The following CRYGD variants were observed in gnomAD, a reference collection of about 807,000 sequenced individuals.
CRYGD encodes gamma-crystallin D.
CRYGD carries 13 observed loss-of-function variants against 11.3 expected under a neutral mutation model. That is an observed-to-expected ratio of 1.15 (90% CI 0.75 to 1.83). The LOEUF is 1.83. Among genes scored for constraint, CRYGD ranks in the 40% most tolerant of loss-of-function variants. CRYGD has a pLI of 0.00. For synonymous variants in CRYGD, 77 were observed against 89.5 expected, an observed-to-expected ratio of 0.86 and a Z score of 0.79; for missense variants, 231 against 229.9, an observed-to-expected ratio of 1.00 and a Z score of -0.03.
chr2:208,122,420 T>A (rs2105852063), intron 2 of CRYGD, among the ~76,000 whole-genome samples: 1 of 147,680 alleles, frequency 6.8e-6, no homozygotes, highest in Non-Finnish European at 1.5e-5. Flanking sequence ...TGTATAAAAT[T>A]ATATTTTATT....
rs779649425 is a variant in CRYGD, at chr2:208,124,469, C to T, written c.5G>A (p.Gly2Glu). Residue 2 changes from glycine (G) to glutamate (E), a missense_variant, in exon 1 of 3, where the codon GGG becomes GAG. By Grantham distance (98) the Gly-to-Glu change is moderately conservative (BLOSUM62 -2). Coordinates refer to ENST00000264376, the MANE Select transcript of CRYGD (RefSeq NM_006891.4). Reference protein sequence around the residue: MGKITLYEDRGF... With the variant: MEKITLYEDRGF... ...CGGGGCGCAGGCTGGGCTCACCTTC[C>T]CCATGGCTGGCTGGGCGCACGGCGG... The T allele has an allele frequency of 6.3e-7, 1 of 1,574,880 alleles. No homozygotes were observed. Among genetic ancestry groups the T allele is most frequent in the East Asian group, 2.3e-5 (1 of 43,244 alleles).
At chr2:208,123,889 A>T (rs868716362) in intron 2 of CRYGD, among the ~76,000 whole-genome samples, 3 of 152,224 alleles carry the variant, frequency 2.0e-5, no homozygotes, top group Non-Finnish European at 4.4e-5. Context: ...CAGGAGACAC[A>T]TTCCTACTCA....
intron 2 of CRYGD, among the ~76,000 whole-genome samples, chr2:208,122,306 CATTAA>C (rs933679824): frequency 6.7e-6 from 1 of 149,306 alleles, no homozygotes; most frequent in Admixed American, 6.7e-5. Context: ...TTAAAATAAA[CATTAA>C]ATTATAAAGA....
intron 2 of CRYGD, 74 bp downstream of exon 2, chr2:208,124,037 TA>T: frequency 6.2e-7 from 1 of 1,601,900 alleles, no homozygotes. Context: ...TCACTACTTC[TA>T]ATGTTTAACT....
Position 208,124,449 on chromosome 2 carries a change from C to T in CRYGD, c.9+16G>A, listed in dbSNP as rs753892746. ...TGGAGGAAGCTCCGGGGTCCCGGGG[C>T]GCAGGCTGGGCTCACCTTCCCCATG... On this transcript the variant is annotated intron_variant, in intron 1 of 2. Coordinates refer to ENST00000264376, the MANE Select transcript of CRYGD (RefSeq NM_006891.4). 1.1e-4 allele frequency: 177 copies of T among 1,580,546 alleles called. No individual in the cohort carries two copies. Among genetic ancestry groups the T allele is most frequent in the Non-Finnish European group, 1.5e-4 (172 of 1,164,324 alleles).
chr2:208,123,237 A>G (rs2105852849), intron 2 of CRYGD, among the ~76,000 whole-genome samples: 1 of 147,020 alleles, frequency 6.8e-6, no homozygotes, highest in South Asian at 2.1e-4. Context: ...TAAATATATT[A>G]TTAAATACAT....
At chr2:208,122,731 C>T (rs1034216510) in intron 2 of CRYGD, among the ~76,000 whole-genome samples, 10 of 150,538 alleles carry the variant, frequency 6.6e-5, no homozygotes, top group African/African-American at 1.7e-4. Context: ...GGTGTGGTGG[C>T]GGGTGCCTGT....
Position 208,121,774 on chromosome 2 carries a change from G to C in CRYGD, c.424C>G (p.Arg142Gly), listed in dbSNP as rs758933523. The change falls in exon 3 of 3, where the codon CGG (arginine) becomes GGG (glycine). Residue 142 changes from arginine to glycine, a missense_variant. Transcript: ENST00000264376. ...VLYELSNYRG[R>G]QYLLMPGDYR... ...TCCCCTGGCATCAGCAGGTACTGCC[G>C]TCCTCGGTAGTTGGACAGCTCGTAG... is the stretch of plus-strand genomic sequence containing the variant. 6.2e-7 allele frequency: 1 copy of C among 1,614,160 alleles called. No homozygotes were observed. Among genetic ancestry groups the C allele is most frequent in the Admixed American group, 1.7e-5 (1 of 60,024 alleles).
In CRYGD at chr2:208,124,319, G is replaced by A. The variant is rs746970104; in HGVS notation, c.45C>T (p.Arg15=). The part of the protein sequence containing the change: ...TLYEDRGFQG[R]HYECSSDHPN... ...GGTGGTCGCTGCTGCATTCATAGTG[G>A]CGGCCCTGGAAGCCCCGGTCCTCGT... is the stretch of plus-strand genomic sequence containing the variant. The change falls in exon 2 of 3, where the codon CGC becomes CGT. Residue 15 remains arginine, a synonymous_variant. Transcript: ENST00000264376. The A allele has an allele frequency of 1.2e-6, 2 of 1,610,444 alleles. No homozygotes were observed. The highest frequency in any genetic ancestry group is 1.7e-6 in the Non-Finnish European group (2 of 1,178,980).
rs766003243 is a variant in CRYGD at position 208,124,172 on chromosome 2, G to T, written c.192C>A (p.Ala64=). 1.9e-6 allele frequency: 3 copies of T among 1,611,668 alleles called. No homozygotes were observed. The highest frequency in any genetic ancestry group is 1.7e-5 in the Admixed American group (1 of 60,006). The change falls in exon 2 of 3, where the codon GCC becomes GCA. Residue 64 remains alanine, a synonymous_variant. Transcript: ENST00000264376. ...LQYFLRRGDY[A]DHQQWMGLSD... ...TGAGGCCCATCCACTGCTGGTGGTC[G>T]GCATAGTCGCCGCGGCGCAGGAAGT...
chr2:208,124,153 C>G lies in CRYGD; in HGVS notation c.211G>C (p.Gly71Arg). 6.2e-7 allele frequency: 1 copy of G among 1,611,672 alleles called. No individual in the cohort carries two copies. The highest frequency in any genetic ancestry group is 8.5e-7 in the Non-Finnish European group (1 of 1,179,860). The change falls in exon 2 of 3, where the codon GGC (glycine) becomes CGC (arginine). Residue 71 changes from glycine to arginine, a missense_variant. By Grantham distance (125) the Gly-to-Arg change is moderately radical (BLOSUM62 -2). Transcript: ENST00000264376. ...CAGGAGCGGACCGAGTCGCTGAGGC[C>G]CATCCACTGCTGGTGGTCGGCATAG... ...GDYADHQQWM[G>R]LSDSVRSCRL...
chr2:208,124,226 A>G lies in CRYGD; in HGVS notation c.138T>C (p.Tyr46=), dbSNP rs1174276155. ...ARVDSGCWML[Y]EQPNYSGLQY... is the part of the protein sequence containing the mutation. ...GGAGGCCCGAGTAGTTGGGCTGCTC[A>G]TAGAGCATCCAGCAGCCGCTGTCCA... Residue 46 remains tyrosine, a synonymous_variant, in exon 2 of 3, where the codon TAT becomes TAC. Transcript: ENST00000264376. The G allele has an allele frequency of 2.5e-6, 4 of 1,612,232 alleles. No homozygotes were observed. The highest frequency in any genetic ancestry group is 2.2e-5 in the East Asian group (1 of 44,880).
intron 2 of CRYGD, among the ~76,000 whole-genome samples, chr2:208,122,848 G>A (rs62192853): frequency 1.3e-5 from 2 of 149,684 alleles, no homozygotes; most frequent in Admixed American, 6.7e-5. Flanking sequence ...GCAAGACTTC[G>A]TCAAAAAAAA....
Position 208,121,962 on chromosome 2 carries a change from T to A in CRYGD, c.253-17A>T, listed in dbSNP as rs748213573. 1.4e-5 allele frequency: 23 copies of A among 1,613,962 alleles called. No homozygotes were observed. In the East Asian group the frequency reaches 5.1e-4, roughly 36 times the overall value. ...AGAGCCAGACTGGCGGACCCAGAAA[T>A]AAAAAGAGAAGAAAAGCAAGTGTGA... On this transcript the variant is annotated splice_polypyrimidine_tract_variant and intron_variant, in intron 2 of 2. Coordinates refer to ENST00000264376, the MANE Select transcript of CRYGD (RefSeq NM_006891.4).
At chr2:208,123,729 C>T (rs1488281055) in intron 2 of CRYGD, among the ~76,000 whole-genome samples, 1 of 152,114 alleles carries the variant, frequency 6.6e-6, no homozygotes, top group African/African-American at 2.4e-5. Flanking sequence ...GGAGCAAAAA[C>T]GGGAAAAAGT....
chr2:208,121,738 A>G lies in CRYGD; in HGVS notation c.460T>C (p.Tyr154His). ...GCATTCGTGGCCCCCCAGTCCTGGT[A>G]GCGCCTATAGTCCCCTGGCATCAGC... ...YLLMPGDYRRYQDWGATNARV... is the reference protein window; with the variant it reads ...YLLMPGDYRRHQDWGATNARV... The change falls in exon 3 of 3, where the codon TAC becomes CAC. Residue 154 changes from tyrosine to histidine, a missense_variant. Coordinates refer to ENST00000264376, the MANE Select transcript of CRYGD (RefSeq NM_006891.4). The G allele has an allele frequency of 2.5e-6, 4 of 1,614,142 alleles. No individual in the cohort carries two copies. The highest frequency in any genetic ancestry group is 1.6e-4 in the Middle Eastern group (1 of 6,062).
At chr2:208,122,452 TTAA>T (rs1251001943) in intron 2 of CRYGD, among the ~76,000 whole-genome samples, 1 of 147,798 alleles carries the variant, frequency 6.8e-6, no homozygotes, top group Admixed American at 6.8e-5. Flanking sequence ...ATATTTTATT[TTAA>T]TAATTATATT....
chr2:208,122,442 A>T (rs1180586885), intron 2 of CRYGD, among the ~76,000 whole-genome samples: 1 of 147,788 alleles, frequency 6.8e-6, no homozygotes, highest in Non-Finnish European at 1.5e-5. Flanking sequence ...AAAGTTAATC[A>T]TATTTTATTT....
At chr2:208,122,975 T>C (rs1301732784) in intron 2 of CRYGD, among the ~76,000 whole-genome samples, 1 of 149,936 alleles carries the variant, frequency 6.7e-6, no homozygotes, top group East Asian at 1.9e-4. Context: ...ACGAGAATCA[T>C]TTGAATCCAG....
Sources: gnomAD v4.1 joint callset for allele counts (sites outside exome capture counted in the v4.1 genomes callset) on GRCh38, gnomAD v4.1.1 for gene constraint, MANE v1.5 for transcripts, NCBI Gene and HGNC (gene_info 2026-07-23, HGNC 2026-07-21) for gene names.